Variants in M1AP observed in about 807,000 individuals in gnomAD.
The protein encoded by M1AP is meiosis 1 arrest protein.
A neutral mutation model predicts 51.2 loss-of-function variants in M1AP; 39 were observed. The observed-to-expected ratio is 0.76, with a 90% CI of 0.59 to 1.00. The LOEUF (loss-of-function observed/expected upper bound fraction) is 1.00. Among genes scored for constraint, M1AP ranks in the 50% least tolerant of loss-of-function variants. The probability of loss-of-function intolerance (pLI) is 0.00; values close to 1 mark genes in which losing one functional copy is unlikely to be tolerated. For synonymous variants in M1AP, 251 were observed against 249.2 expected (o/e 1.01, Z -0.07); for missense variants, 545 against 641.2 (o/e 0.85, Z 1.62).
intron 3 of M1AP, among the ~76,000 whole-genome samples, chr2:74,611,310 C>T (rs1464724079): frequency 6.6e-6 from 1 of 152,096 alleles, no homozygotes; most frequent in Non-Finnish European, 1.5e-5. Flanking sequence ...AGGTCTGGGG[C>T]TTTTCTTCAA....
At chr2:74,595,159 G>T (rs914805419) in intron 4 of M1AP, among the ~76,000 whole-genome samples, 1 of 152,028 alleles carries the variant, frequency 6.6e-6, no homozygotes, top group Non-Finnish European at 1.5e-5. Flanking sequence ...GGGACTACAG[G>T]TGTGCACCAC....
At chr2:74,630,328 A>T (rs901495786) in intron 2 of M1AP, among the ~76,000 whole-genome samples, 3 of 152,148 alleles carry the variant, frequency 2.0e-5, no homozygotes, top group African/African-American at 4.8e-5. Flanking sequence ...CCTTAAAAAA[A>T]TTTTTATTTT....
At chr2:74,599,832 AT>A (rs386390483) in intron 4 of M1AP, among the ~76,000 whole-genome samples, 755 of 143,828 alleles carry the variant, frequency 5.2e-3, no homozygotes, top group Middle Eastern at 7.3e-3. Flanking sequence ...CTCTGACAGG[AT>A]TTTTTTTTTT....
At chr2:74,631,247 T>TATTTTATTTTTA (rs1006433498) in intron 2 of M1AP, among the ~76,000 whole-genome samples, 1 of 152,230 alleles carries the variant, frequency 6.6e-6, no homozygotes, top group African/African-American at 2.4e-5. Context: ...CTTTACTGTA[T>TATTTTATTTTTA]ATTTTATTTT....
At chr2:74,598,349 T>C (rs1680465328) in intron 4 of M1AP, among the ~76,000 whole-genome samples, 1 of 151,854 alleles carries the variant, frequency 6.6e-6, no homozygotes, top group Admixed American at 6.6e-5. Flanking sequence ...GCCACCGCAC[T>C]CCAGCCTGGG....
chr2:74,605,695 C>T (rs1024404034), intron 4 of M1AP, among the ~76,000 whole-genome samples: 15 of 151,842 alleles, frequency 9.9e-5, no homozygotes, highest in Non-Finnish European at 2.1e-4. Context: ...GATCAGGAGA[C>T]GGAGACCATC....
intron 2 of M1AP, among the ~76,000 whole-genome samples, chr2:74,632,953 G>A (rs931051720): frequency 6.6e-6 from 1 of 152,100 alleles, no homozygotes; most frequent in Non-Finnish European, 1.5e-5. Flanking sequence ...CCTTGTTTGG[G>A]ACATGGGCTC....
intron 2 of M1AP, among the ~76,000 whole-genome samples, chr2:74,636,173 C>T (rs1284676340): frequency 6.6e-6 from 1 of 151,920 alleles, no homozygotes; most frequent in Non-Finnish European, 1.5e-5. Flanking sequence ...ATTTCTGTAT[C>T]TTCTTGGTGG....
chr2:74,571,287 T>C (rs898316361), intron 7 of M1AP, among the ~76,000 whole-genome samples: 6 of 152,150 alleles, frequency 3.9e-5, no homozygotes, highest in Non-Finnish European at 7.4e-5. Context: ...AAGGGTGAGA[T>C]GGCTGAAAGT....
intron 3 of M1AP, 47 bp from the exon 4 acceptor site, chr2:74,607,270 A>C: frequency 6.3e-7 from 1 of 1,584,216 alleles, no homozygotes; most frequent in Non-Finnish European, 8.7e-7. Flanking sequence ...CCTGATGTAC[A>C]GAGTGAGGAA....
At chr2:74,586,067 C>T (rs1186429358) in intron 4 of M1AP, among the ~76,000 whole-genome samples, 4 of 152,170 alleles carry the variant, frequency 2.6e-5, no homozygotes, top group Non-Finnish European at 5.9e-5. Flanking sequence ...ATTTCCTCCT[C>T]ATCACTACCT....
chr2:74,621,836 G>A (rs2104767995), intron 2 of M1AP, among the ~76,000 whole-genome samples: 1 of 151,382 alleles, frequency 6.6e-6, no homozygotes, highest in South Asian at 2.1e-4. Context: ...GGTTGGGGGC[G>A]GTGGCTCAAG....
intron 2 of M1AP, among the ~76,000 whole-genome samples, chr2:74,634,707 C>G (rs1317726076): frequency 6.6e-6 from 1 of 152,088 alleles, no homozygotes; most frequent in Non-Finnish European, 1.5e-5. Context: ...CATGAGTGGA[C>G]GTTGAACTTT....
intron 7 of M1AP, among the ~76,000 whole-genome samples, chr2:74,564,118 A>G (rs1573059754): frequency 6.6e-6 from 1 of 152,196 alleles, no homozygotes; most frequent in Non-Finnish European, 1.5e-5. Context: ...AAAAAGGGGG[A>G]AAAGATTTTT....
At chr2:74,607,318 G>T in intron 3 of M1AP, 95 bp from the exon 4 acceptor site, 2 of 1,224,662 alleles carry the variant, frequency 1.6e-6, no homozygotes, top group Non-Finnish European at 2.4e-6. Flanking sequence ...TACAGCATAA[G>T]TCTGTGGTGG....
chr2:74,591,275 G>A (rs895791359), intron 4 of M1AP, among the ~76,000 whole-genome samples: 1 of 152,078 alleles, frequency 6.6e-6, no homozygotes, highest in Non-Finnish European at 1.5e-5. Context: ...GGTCTCAATG[G>A]CTTCATTTTC....
intron 4 of M1AP, among the ~76,000 whole-genome samples, chr2:74,605,163 G>A (rs1263204280): frequency 2.0e-5 from 3 of 152,094 alleles, no homozygotes; most frequent in Non-Finnish European, 4.4e-5. Flanking sequence ...TGATCTTTTT[G>A]GAGAGTTTTT....
chr2:74,645,328 C>T (rs1683542458), intron 1 of M1AP, among the ~76,000 whole-genome samples: 1 of 152,198 alleles, frequency 6.6e-6, no homozygotes, highest in African/African-American at 2.4e-5. Flanking sequence ...CCGCCAGGGT[C>T]CGCGGCTTCA....
rs745635523 is a variant in M1AP, at chr2:74,640,098, G to A, written c.178C>T (p.Arg60Cys). Residue 60 changes from arginine to cysteine, a missense_variant, in exon 2 of 11, where the codon CGC becomes TGC. By Grantham distance (180) the Arg-to-Cys change is radical (BLOSUM62 -3). Transcript: ENST00000421985. ...ATGTATAAACTGAACAGGGACATGC[G>A]GCTGGGGCCCATCAAGCTGCAGGCT... is the stretch of plus-strand genomic sequence containing the variant. ...SLACSLMGPS[R>C]MSLFSLYMVQ... 36 of 1,614,014 alleles carry A rather than the reference G, an allele frequency of 2.2e-5. No individual in the cohort carries two copies. Among genetic ancestry groups the A allele is most frequent in the African/African-American group, 4.0e-5 (3 of 74,894 alleles).
Sources: gnomAD v4.1 joint callset for allele counts (sites outside exome capture counted in the v4.1 genomes callset) on GRCh38, gnomAD v4.1.1 for gene constraint, MANE v1.5 for transcripts, NCBI Gene and HGNC (gene_info 2026-07-23, HGNC 2026-07-21) for gene names.